The following GOSR1 variants were observed in gnomAD, a reference collection of about 807,000 sequenced individuals.
GOSR1 encodes the protein golgi SNAP receptor complex member 1.
GOSR1 carries 21 observed loss-of-function variants against 35.5 expected under a neutral mutation model. That is an observed-to-expected ratio of 0.59 (90% CI 0.42 to 0.85). GOSR1 has a LOEUF of 0.85. Among genes scored for constraint, GOSR1 ranks in the 40% least tolerant of loss-of-function variants. GOSR1 has a pLI of 0.00. For missense variants in GOSR1, 285 were observed against 309.6 expected (o/e 0.92, Z 0.60); for synonymous variants, 94 against 106.6 (o/e 0.88, Z 0.73).
intron 6 of GOSR1, among the ~76,000 whole-genome samples, chr17:30,499,928 G>T (rs572095575): frequency 1.3e-5 from 2 of 152,108 alleles, no homozygotes; most frequent in African/African-American, 4.8e-5. Flanking sequence ...AACCATTCAC[G>T]TATCTTCTTT....
chr17:30,526,353 C>G lies in GOSR1; in HGVS notation c.*3975C>G, dbSNP rs1454451345. ...ATTTCACTGAAAAAATATGAAAAACCATGACAATAGGGCTGGGTGCAGTGG... is the reference window on the plus strand; with the variant it reads ...ATTTCACTGAAAAAATATGAAAAACGATGACAATAGGGCTGGGTGCAGTGG... On this transcript the variant is annotated 3_prime_UTR_variant, in exon 9 of 9. Coordinates refer to ENST00000451249, the MANE Select transcript of GOSR1 (RefSeq NM_001007025.2). 6.6e-6 allele frequency: 1 copy of G among 152,064 alleles called. No homozygotes were observed. The highest frequency in any genetic ancestry group is 1.5e-5 in the Non-Finnish European group (1 of 68,016). The allele number at this position is 152,064 out of a possible 1,614,324, so 9.4% of individuals were successfully genotyped here.
chr17:30,492,179 C>T (rs113490636), intron 5 of GOSR1, among the ~76,000 whole-genome samples: 9 of 152,280 alleles, frequency 5.9e-5, no homozygotes, highest in African/African-American at 1.9e-4. Flanking sequence ...CTTCAATACA[C>T]TGAAGACCAA....
intron 7 of GOSR1, among the ~76,000 whole-genome samples, chr17:30,513,935 G>A (rs77232908): frequency 0.044 from 6,709 of 152,246 alleles, 226 homozygotes; most frequent in Non-Finnish European, 0.063. Flanking sequence ...CAGTGAGGCC[G>A]TGTCTCAAAA....
In GOSR1 at chr17:30,477,938, G is replaced by GT. The variant is rs58681863; in HGVS notation, c.31+475dup. The GT allele has an allele frequency of 0.013, 12,961 of 985,118 alleles. 971 individuals carry two copies. In the African/African-American group the frequency reaches 0.18, roughly 14 times the overall value. 61.0% of individuals were successfully genotyped at this position (985,118 alleles called of 1,614,324 possible). On this transcript the variant is annotated intron_variant, in intron 1 of 8. Coordinates refer to ENST00000451249, the MANE Select transcript of GOSR1 (RefSeq NM_001007025.2). ...CTTGCATTCCGGTCCGTCGGAGGAA[G>GT]TATGAAGAGAATAGGAGACAGAATG...
intron 5 of GOSR1, among the ~76,000 whole-genome samples, chr17:30,491,868 A>G (rs1044812684): frequency 3.9e-5 from 6 of 152,202 alleles, no homozygotes; most frequent in African/African-American, 1.4e-4. Flanking sequence ...AGTGGCTATG[A>G]AATGATTCAG....
At chr17:30,502,904 G>A (rs1967266707) in intron 6 of GOSR1, among the ~76,000 whole-genome samples, 1 of 152,238 alleles carries the variant, frequency 6.6e-6, no homozygotes, top group Non-Finnish European at 1.5e-5. Flanking sequence ...GTAGAAATAA[G>A]TAAGACGTAG....
chr17:30,486,581 G>C (rs1462473447), intron 4 of GOSR1, among the ~76,000 whole-genome samples: 1 of 151,186 alleles, frequency 6.6e-6, no homozygotes, highest in African/African-American at 2.4e-5. Context: ...TGAGGTAGCA[G>C]GATAAAATTA....
At chr17:30,520,314 T>C (rs928434034) in intron 8 of GOSR1, 7 of 249,736 alleles carry the variant, frequency 2.8e-5, no homozygotes, top group Admixed American at 5.5e-5. Context: ...AGCTTTTAAA[T>C]TCATGTTAGA....
intron 6 of GOSR1, among the ~76,000 whole-genome samples, chr17:30,500,981 C>T (rs1042400831): frequency 2.0e-5 from 3 of 150,998 alleles, no homozygotes; most frequent in African/African-American, 7.3e-5. Flanking sequence ...CCCGGGTTCA[C>T]GCCATTCTCC....
At position 30,524,522 on chromosome 17, in the gene GOSR1, C is replaced by T. The variant is rs1230832956; in HGVS notation, c.*2144C>T. 7.2e-6 allele frequency: 1 copy of T among 139,572 alleles called. No individual in the cohort carries two copies. Among genetic ancestry groups the T allele is most frequent in the African/African-American group, 2.7e-5 (1 of 37,180 alleles). The allele number at this position is 139,572 out of a possible 1,614,324, so 8.6% of individuals were successfully genotyped here. ...AATGACAGTCTTATATTTAAGGCAC[C>T]AGTCATTGTTTCCATTTTTTTTTTA... is the stretch of plus-strand genomic sequence containing the variant. On this transcript the variant is annotated 3_prime_UTR_variant, in exon 9 of 9. Coordinates refer to ENST00000451249, the MANE Select transcript of GOSR1 (RefSeq NM_001007025.2).
intron 7 of GOSR1, among the ~76,000 whole-genome samples, chr17:30,514,328 C>T (rs907581520): frequency 2.6e-5 from 4 of 152,182 alleles, no homozygotes; most frequent in African/African-American, 9.7e-5. Context: ...TATTGGATTA[C>T]CTACTTGGGA....
intron 6 of GOSR1, 150 bp from the exon 7 acceptor site, chr17:30,510,730 A>G: frequency 1.9e-6 from 1 of 519,256 alleles, no homozygotes; most frequent in East Asian, 3.3e-5. Flanking sequence ...GAAAAAAATT[A>G]GAGTCCAGAA....
chr17:30,489,788 T>C (rs1914920199), intron 4 of GOSR1, among the ~76,000 whole-genome samples: 1 of 152,184 alleles, frequency 6.6e-6, no homozygotes. Flanking sequence ...TACTACTAAG[T>C]AAAAAGAGCC....
At chr17:30,490,430 C>T (rs1391826836) in intron 5 of GOSR1, 4 of 392,800 alleles carry the variant, frequency 1.0e-5, no homozygotes, top group Non-Finnish European at 1.4e-5. Context: ...TTATCATTGG[C>T]TCCTGCCAAC....
chr17:30,516,835 C>T (rs896298102), intron 7 of GOSR1, among the ~76,000 whole-genome samples: 7 of 152,120 alleles, frequency 4.6e-5, no homozygotes, highest in African/African-American at 1.7e-4. Flanking sequence ...CACCCTCAGC[C>T]TCCCAGTAGC....
chr17:30,478,633 T>C (rs1245419155), intron 1 of GOSR1: 1 of 148,580 alleles, frequency 6.7e-6, no homozygotes, highest in Non-Finnish European at 1.5e-5. Flanking sequence ...CTCGGCTCAC[T>C]GCAGCCTCCG....
At chr17:30,485,424 G>A (rs1194799022) in intron 4 of GOSR1, among the ~76,000 whole-genome samples, 2 of 152,018 alleles carry the variant, frequency 1.3e-5, no homozygotes, top group South Asian at 2.1e-4. Flanking sequence ...ATGCCACCAC[G>A]CCTGGCTAAT....
chr17:30,487,323 CAAG>C (rs1914739851), intron 4 of GOSR1, among the ~76,000 whole-genome samples: 2 of 151,900 alleles, frequency 1.3e-5, no homozygotes, highest in South Asian at 4.2e-4. Context: ...CAAATGGATC[CAAG>C]AAGGATAGAA....
Position 30,483,391 on chromosome 17 carries a change from T to C in GOSR1, c.147-823T>C, listed in dbSNP as rs1914476652. ...ATCTACTATGTGCCAGGCTGTATAC[T>C]AGGTGCTAGGCATATATCTATGAAT... On this transcript the variant is annotated intron_variant, in intron 2 of 8. Transcript: ENST00000451249. 2.0e-5 allele frequency among the ~76,000 whole-genome samples: 3 copies of C among 152,238 alleles called. 1 individual carries two copies. The South Asian group carries it at 6.2e-4, about 32-fold the overall frequency.
Sources: gnomAD v4.1 joint callset for allele counts (sites outside exome capture counted in the v4.1 genomes callset) on GRCh38, gnomAD v4.1.1 for gene constraint, MANE v1.5 for transcripts, NCBI Gene and HGNC (gene_info 2026-07-23, HGNC 2026-07-21) for gene names.